Variants in AK7 observed in about 807,000 individuals in gnomAD.
The protein encoded by AK7 is adenylate kinase 7, also known as ATP-AMP transphosphorylase 7.
AK7 carries 78 observed loss-of-function variants against 96.6 expected under a neutral mutation model. The ratio of observed to expected loss-of-function variants is 0.81; its 90% CI spans 0.67 to 0.97. The LOEUF is 0.97. Ranked by LOEUF, AK7 falls within the 50% of genes least tolerant of loss-of-function variation. AK7 has a pLI of 0.00. For missense variants in AK7, 855 were observed against 887.9 expected (o/e 0.96, Z 0.47); for synonymous variants, 302 against 317.2 (o/e 0.95, Z 0.51).
rs116516506 is a variant in AK7, at chr14:96,464,999, G to A, written c.1358-6479G>A. ...TGTATCTAGCTTGACAAGCCACTTAGTATGGATCCAACTGTACCCTAGAAA... is the reference window on the plus strand; with the variant it reads ...TGTATCTAGCTTGACAAGCCACTTAATATGGATCCAACTGTACCCTAGAAA... On this transcript the variant is annotated intron_variant, in intron 12 of 17. Transcript: ENST00000267584. Among the ~76,000 whole-genome samples, 834 of 152,260 alleles carry A rather than the reference G, an allele frequency of 5.5e-3. 19 individuals are homozygous for A. Among genetic ancestry groups the A allele is most frequent in the African/African-American group, 0.019 (794 of 41,546 alleles).
intron 5 of AK7, among the ~76,000 whole-genome samples, chr14:96,427,394 A>C (rs1417663192): frequency 6.6e-6 from 1 of 152,206 alleles, no homozygotes; most frequent in Non-Finnish European, 1.5e-5. Context: ...CCTGAGAAGG[A>C]GGAAGAGAGA....
chr14:96,403,663 T>C (rs1890542294), intron 2 of AK7, among the ~76,000 whole-genome samples: 1 of 152,198 alleles, frequency 6.6e-6, no homozygotes, highest in Admixed American at 6.5e-5. Context: ...GTCTAAAAGG[T>C]TCTGCTTTAA....
At chr14:96,417,063 C>A (rs1353144101) in intron 4 of AK7, among the ~76,000 whole-genome samples, 1 of 152,134 alleles carries the variant, frequency 6.6e-6, no homozygotes, top group African/African-American at 2.4e-5. Context: ...TAGGGCAAAT[C>A]CAGAAGAGGG....
chr14:96,441,583 G>A (rs962961434), intron 6 of AK7, among the ~76,000 whole-genome samples: 2 of 139,374 alleles, frequency 1.4e-5, no homozygotes, highest in African/African-American at 2.7e-5. Flanking sequence ...AGGTTGCAGT[G>A]AGCTGAGATC....
intron 9 of AK7, among the ~76,000 whole-genome samples, chr14:96,450,196 C>T (rs891469967): frequency 2.0e-5 from 3 of 152,004 alleles, no homozygotes; most frequent in Non-Finnish European, 2.9e-5. Context: ...GCAGGTGGAC[C>T]ACCTGAGGTC....
intron 4 of AK7, among the ~76,000 whole-genome samples, 195 bp from the exon 5 acceptor site, chr14:96,420,627 G>C (rs951546145): frequency 3.3e-5 from 5 of 152,104 alleles, no homozygotes; most frequent in African/African-American, 1.2e-4. Context: ...GGAAGGCCGA[G>C]GCAGGAGGAT....
At chr14:96,436,141 C>A (rs116180253) in intron 5 of AK7, among the ~76,000 whole-genome samples, 1 of 152,118 alleles carries the variant, frequency 6.6e-6, no homozygotes, top group African/African-American at 2.4e-5. Flanking sequence ...CTGTCTTGGA[C>A]TGTGGGAAGG....
chr14:96,402,957 C>T (rs886602456), intron 2 of AK7, among the ~76,000 whole-genome samples: 21 of 151,750 alleles, frequency 1.4e-4, no homozygotes, highest in African/African-American at 3.6e-4. Context: ...TGTGAAACCC[C>T]GTCTGTACTA....
At chr14:96,471,884 T>C (rs1894913292) in intron 13 of AK7, among the ~76,000 whole-genome samples, 1 of 152,200 alleles carries the variant, frequency 6.6e-6, no homozygotes, top group African/African-American at 2.4e-5. Context: ...AACAAGCTTT[T>C]AAGTGTGCGA....
chr14:96,446,061 A>C (rs1566789367), intron 7 of AK7, among the ~76,000 whole-genome samples: 1 of 152,174 alleles, frequency 6.6e-6, no homozygotes, highest in Non-Finnish European at 1.5e-5. Flanking sequence ...GACTTCCTTA[A>C]AGAGCCACAG....
intron 12 of AK7, among the ~76,000 whole-genome samples, chr14:96,468,280 G>T: frequency 7.1e-6 from 1 of 140,114 alleles, no homozygotes; most frequent in African/African-American, 2.6e-5. Context: ...CAAATACATA[G>T]CTTTTGCACT....
intron 1 of AK7, among the ~76,000 whole-genome samples, 189 bp from the exon 2 acceptor site, chr14:96,397,886 G>T (rs1890167262): frequency 6.6e-6 from 1 of 152,242 alleles, no homozygotes; most frequent in East Asian, 1.9e-4. Context: ...GTAAAATGGG[G>T]AATTATAACA....
Position 96,467,032 on chromosome 14 carries a change from T to C in AK7, c.1358-4446T>C, listed in dbSNP as rs183779932. Among the ~76,000 whole-genome samples, 1,138 of 136,696 alleles carry C rather than the reference T, an allele frequency of 8.3e-3. 18 individuals are homozygous for C. The highest frequency in any genetic ancestry group is 0.053 in the South Asian group (220 of 4,172). 89.7% of individuals were successfully genotyped at this position (136,696 alleles called of 152,430 possible). A position where few individuals can be genotyped will look rare whatever the true frequency, so the allele number is the denominator to read the frequency against. On this transcript the variant is annotated intron_variant, in intron 12 of 17. Transcript: ENST00000267584. ...GAATATTACTGAGGAAATCTGTAAG[T>C]GTAGACGAATATGTAAAAAAAAAAA...
At chr14:96,460,012 A>T (rs1894167353) in intron 12 of AK7, among the ~76,000 whole-genome samples, 1 of 152,270 alleles carries the variant, frequency 6.6e-6, no homozygotes, top group South Asian at 2.1e-4. Context: ...AAGTAATCAC[A>T]GTAAGGTGTC....
At chr14:96,480,831 T>C (rs1168190652) in intron 15 of AK7, among the ~76,000 whole-genome samples, 2 of 152,058 alleles carry the variant, frequency 1.3e-5, no homozygotes, top group Non-Finnish European at 2.9e-5. Context: ...TGGGAGATAA[T>C]ATAAAAGCAG....
At chr14:96,408,339 C>T (rs1363112351) in intron 3 of AK7, among the ~76,000 whole-genome samples, 1 of 152,228 alleles carries the variant, frequency 6.6e-6, no homozygotes, top group Non-Finnish European at 1.5e-5. Context: ...TTGGACTCTG[C>T]CCCATCACTT....
intron 12 of AK7, among the ~76,000 whole-genome samples, chr14:96,470,435 T>A (rs1056726199): frequency 2.0e-5 from 3 of 152,212 alleles, no homozygotes; most frequent in Admixed American, 2.0e-4. Flanking sequence ...TGGGGCTGCG[T>A]TTTGAACATT....
chr14:96,484,995 C>T lies in AK7; in HGVS notation c.1974+1776C>T, dbSNP rs531556247. The stretch of plus-strand genomic sequence containing the variant: ...ACACATCTTTGGGTGCCTGATTAAT[C>T]TTCTTAACATAAATTCCTAAAGTTT... On this transcript the variant is annotated intron_variant, in intron 16 of 17. Transcript: ENST00000267584. 3.3e-5 allele frequency among the ~76,000 whole-genome samples: 5 copies of T among 152,298 alleles called. No homozygotes were observed. In the South Asian group the frequency reaches 1.0e-3, roughly 32 times the overall value.
At chr14:96,423,322 TTA>T (rs1218400139) in intron 5 of AK7, among the ~76,000 whole-genome samples, 1 of 152,172 alleles carries the variant, frequency 6.6e-6, no homozygotes, top group Non-Finnish European at 1.5e-5. Flanking sequence ...CAATCCTTAT[TTA>T]TTTATTTTTA....
Sources: gnomAD v4.1 joint callset for allele counts (sites outside exome capture counted in the v4.1 genomes callset) on GRCh38, gnomAD v4.1.1 for gene constraint, MANE v1.5 for transcripts, NCBI Gene and HGNC (gene_info 2026-07-23, HGNC 2026-07-21) for gene names.